CSMD1: variants seen among roughly 807,000 people sequenced by gnomAD.
CSMD1 encodes CUB and sushi domain-containing protein 1.
A neutral mutation model predicts 417.5 loss-of-function variants in CSMD1; 213 were observed. The observed-to-expected ratio is 0.51, with a 90% CI of 0.46 to 0.57. CSMD1 has a LOEUF of 0.57. CSMD1 is among the 20% of genes least tolerant of loss of function. The pLI, the probability that CSMD1 is intolerant of heterozygous loss-of-function variation, is 0.00. For missense variants in CSMD1, 6,923 were observed against 4,529.7 expected (o/e 1.53, Z -15.17); for synonymous variants, 2,862 against 1,736.8 (o/e 1.65, Z -16.11).
At chr8:3,258,928 C>A (rs1238995220) in intron 26 of CSMD1, among the ~76,000 whole-genome samples, 2 of 152,160 alleles carry the variant, frequency 1.3e-5, no homozygotes, top group Admixed American at 6.5e-5. Context: ...ACAATAGACA[C>A]TGCGGTCTCC....
rs548534186 is a variant in CSMD1 at position 3,424,481 on chromosome 8, T to C, written c.1562-14876A>G. The stretch of plus-strand genomic sequence containing the variant: ...CTGTTTGTATGCGAATATGTGTAAC[T>C]TAATGATTGTCCCTTAGGTCATATA... On this transcript the variant is annotated intron_variant, in intron 12 of 69. Transcript: ENST00000635120. Among the ~76,000 whole-genome samples, 31 of 152,354 alleles carry C rather than the reference T, an allele frequency of 2.0e-4. No homozygotes were observed. In the South Asian group the frequency reaches 2.1e-3, roughly 10 times the overall value.
chr8:4,884,731 G>C (rs1168643781), intron 1 of CSMD1, among the ~76,000 whole-genome samples: 2 of 151,980 alleles, frequency 1.3e-5, no homozygotes, highest in Non-Finnish European at 2.9e-5. Context: ...GGATCAATAG[G>C]TCTATCCTTA....
At chr8:3,804,120 C>G (rs902509055) in intron 5 of CSMD1, among the ~76,000 whole-genome samples, 1 of 151,894 alleles carries the variant, frequency 6.6e-6, no homozygotes, top group Non-Finnish European at 1.5e-5. Context: ...TTAGTAGAGA[C>G]AGGGTTTCAC....
chr8:4,313,329 G>A (rs1031742216), intron 3 of CSMD1, among the ~76,000 whole-genome samples: 5 of 150,782 alleles, frequency 3.3e-5, no homozygotes, highest in South Asian at 4.2e-4. Flanking sequence ...TAGAGAGGGA[G>A]GAATCCATCA....
intron 27 of CSMD1, among the ~76,000 whole-genome samples, chr8:3,227,856 C>T (rs765251134): frequency 5.3e-5 from 8 of 151,712 alleles, no homozygotes; most frequent in Non-Finnish European, 7.4e-5. Flanking sequence ...CAACTTCTAG[C>T]TCCTGGGTTC....
chr8:3,664,493 A>C (rs1390880507), intron 7 of CSMD1, among the ~76,000 whole-genome samples: 1 of 152,230 alleles, frequency 6.6e-6, no homozygotes, highest in Non-Finnish European at 1.5e-5. Flanking sequence ...TCATGCATAG[A>C]ATATGTAAAA....
intron 5 of CSMD1, among the ~76,000 whole-genome samples, chr8:3,891,394 C>T (rs939626634): frequency 1.3e-5 from 2 of 152,060 alleles, no homozygotes; most frequent in Non-Finnish European, 2.9e-5. Context: ...CAAAATCCAT[C>T]CGAGGCCAGG....
intron 4 of CSMD1, among the ~76,000 whole-genome samples, chr8:4,024,033 G>C (rs541181821): frequency 6.6e-4 from 100 of 152,132 alleles, no homozygotes; most frequent in African/African-American, 2.3e-3. Context: ...TATTGCAATT[G>C]AGAGAACATA....
intron 2 of CSMD1, among the ~76,000 whole-genome samples, chr8:4,570,932 A>G (rs1165721382): frequency 2.0e-5 from 3 of 151,998 alleles, no homozygotes; most frequent in Non-Finnish European, 4.4e-5. Flanking sequence ...ATTTGTATAG[A>G]GGTATTTATA....
At chr8:3,853,590 A>G (rs1396002715) in intron 5 of CSMD1, among the ~76,000 whole-genome samples, 1 of 152,042 alleles carries the variant, frequency 6.6e-6, no homozygotes, top group African/African-American at 2.4e-5. Flanking sequence ...GTTAAATAAA[A>G]AAGAAGGCAC....
intron 18 of CSMD1, among the ~76,000 whole-genome samples, chr8:3,384,701 TA>T: frequency 1.0e-5 from 1 of 96,716 alleles, no homozygotes; most frequent in East Asian, 2.3e-4. Flanking sequence ...TTATATAAAT[TA>T]TATATAAATA....
At chr8:4,462,024 G>C (rs926484810) in intron 2 of CSMD1, among the ~76,000 whole-genome samples, 1 of 151,942 alleles carries the variant, frequency 6.6e-6, no homozygotes, top group Admixed American at 6.6e-5. Context: ...TACAGGCTGA[G>C]CCACCACGTC....
At chr8:4,412,803 T>G (rs1239626139) in intron 3 of CSMD1, among the ~76,000 whole-genome samples, 5 of 152,122 alleles carry the variant, frequency 3.3e-5, no homozygotes, top group South Asian at 2.1e-4. Context: ...TTATTTTTAT[T>G]TAACTCACTC....
intron 3 of CSMD1, among the ~76,000 whole-genome samples, chr8:4,346,964 C>A (rs951050497): frequency 1.3e-5 from 2 of 152,268 alleles, no homozygotes; most frequent in Middle Eastern, 3.4e-3. Flanking sequence ...ACATTCAACT[C>A]TCTTGTAATG....
chr8:4,134,965 G>A (rs181475185), intron 3 of CSMD1, among the ~76,000 whole-genome samples: 1 of 152,002 alleles, frequency 6.6e-6, no homozygotes. Flanking sequence ...TTGTATACTA[G>A]GCAGGCTCAG....
At chr8:3,926,116 C>CCAT (rs1809703278) in intron 5 of CSMD1, among the ~76,000 whole-genome samples, 1 of 106,912 alleles carries the variant, frequency 9.4e-6, no homozygotes, top group African/African-American at 4.3e-5. Context: ...CACACACACA[C>CCAT]ACACACACAC....
chr8:3,204,946 T>A (rs2116749884), intron 31 of CSMD1, among the ~76,000 whole-genome samples: 1 of 152,254 alleles, frequency 6.6e-6, no homozygotes, highest in Non-Finnish European at 1.5e-5. Flanking sequence ...CTTCTGGAAA[T>A]GAAGTCATTT....
intron 36 of CSMD1, among the ~76,000 whole-genome samples, chr8:3,187,241 G>A (rs1452258005): frequency 6.6e-6 from 1 of 152,200 alleles, no homozygotes; most frequent in Non-Finnish European, 1.5e-5. Context: ...GTGAAAGAAA[G>A]CGGTGTCATG....
chr8:3,984,596 G>C (rs138605092), intron 5 of CSMD1, among the ~76,000 whole-genome samples: 1 of 150,658 alleles, frequency 6.6e-6, no homozygotes, highest in African/African-American at 2.4e-5. Context: ...GATTCTTCAA[G>C]TAAGAAAAAA....
Sources: gnomAD v4.1 joint callset for allele counts (sites outside exome capture counted in the v4.1 genomes callset) on GRCh38, gnomAD v4.1.1 for gene constraint, MANE v1.5 for transcripts, NCBI Gene and HGNC (gene_info 2026-07-23, HGNC 2026-07-21) for gene names.